Variants in CHAF1A observed in about 807,000 individuals in gnomAD.
CHAF1A encodes the protein CAF-1 subunit A.
Under a neutral mutation model 93.2 loss-of-function variants are expected in CHAF1A, and 5 were observed. The observed-to-expected ratio is 0.05, with a 90% CI of 0.03 to 0.11. CHAF1A has a LOEUF of 0.11. Among genes scored for constraint, CHAF1A ranks in the 10% least tolerant of loss-of-function variants. The pLI is 1.00. For synonymous variants in CHAF1A, 504 were observed against 510.3 expected, an observed-to-expected ratio of 0.99 and a Z score of 0.17; for missense variants, 1,102 against 1,259.9, an observed-to-expected ratio of 0.87 and a Z score of 1.90.
At chr19:4,410,086 C>T (rs1973765239) in intron 3 of CHAF1A, among the ~76,000 whole-genome samples, 1 of 152,114 alleles carries the variant, frequency 6.6e-6, no homozygotes, top group South Asian at 2.1e-4. Context: ...TGCTGTAACC[C>T]CTCACTTCAG....
intron 3 of CHAF1A, among the ~76,000 whole-genome samples, chr19:4,415,265 CA>C (rs1190216422): frequency 6.6e-6 from 1 of 151,736 alleles, no homozygotes; most frequent in Non-Finnish European, 1.5e-5. Context: ...TTTGGCAAAG[CA>C]AAAAAGATAC....
intron 4 of CHAF1A, among the ~76,000 whole-genome samples, chr19:4,419,029 ATTTTTTT>A (rs11406470): frequency 1.5e-4 from 14 of 96,452 alleles, no homozygotes; most frequent in African/African-American, 4.3e-4. Flanking sequence ...TAGCCAGCTA[ATTTTTTT>A]TTTTTTTTTT....
At position 4,422,161 on chromosome 19, in the gene CHAF1A, C is replaced by T. The variant is rs561875531; in HGVS notation, c.1018-405C>T. Among the ~76,000 whole-genome samples the T allele has an allele frequency of 6.6e-6, 1 of 152,314 alleles. No homozygotes were observed. Among genetic ancestry groups the T allele is most frequent in the African/African-American group, 2.4e-5 (1 of 41,564 alleles). ...AGTAGCTGGGATTACAGGCGCCCAC[C>T]ATGCCTGGCTAGTTTTTTTTAAAAA... On this transcript the variant is annotated intron_variant, in intron 4 of 14. Coordinates refer to ENST00000301280, the MANE Select transcript of CHAF1A (RefSeq NM_005483.3). The surrounding 1 kb of genome is among the most constrained non-coding windows in gnomAD (Gnocchi z 4.6).
At chr19:4,416,099 G>A (rs1040677734) in intron 3 of CHAF1A, among the ~76,000 whole-genome samples, 3 of 152,090 alleles carry the variant, frequency 2.0e-5, no homozygotes, top group Admixed American at 6.5e-5. Flanking sequence ...GCTTGAACCC[G>A]GGAGGCGGAG....
At chr19:4,414,164 G>A (rs1043908956) in intron 3 of CHAF1A, among the ~76,000 whole-genome samples, 1 of 152,152 alleles carries the variant, frequency 6.6e-6, no homozygotes, top group South Asian at 2.1e-4. Flanking sequence ...ACTTTGGGAA[G>A]CCGAGGTGGG....
chr19:4,405,226 AT>A (rs1973658104), intron 1 of CHAF1A, among the ~76,000 whole-genome samples: 1 of 152,158 alleles, frequency 6.6e-6, no homozygotes, highest in African/African-American at 2.4e-5. Context: ...TAGAGTTGGC[AT>A]TTTGTTTCCA....
At chr19:4,440,044 C>G (rs1599665546) in intron 13 of CHAF1A, among the ~76,000 whole-genome samples, 1 of 152,328 alleles carries the variant, frequency 6.6e-6, no homozygotes, top group East Asian at 1.9e-4. Context: ...TCTGCCTGGC[C>G]AGGCACTGTG....
chr19:4,422,631 AGAGGAGGCCAAGCGGGCCAAG>A lies in CHAF1A; in HGVS notation c.1096_1116del (p.Arg366_Lys372del). 1 of 1,597,138 alleles carries A rather than the reference AGAGGAGGCCAAGCGGGCCAAG, an allele frequency of 6.3e-7. No individual in the cohort carries two copies. The highest frequency in any genetic ancestry group is 8.5e-7 in the Non-Finnish European group (1 of 1,171,878). Reference sequence around the variant, plus strand: ...AAAGGGAAGAAAAGGAGAAGCTGAAAGAGGAGGCCAAGCGGGCCAAGGAGGAGGCCAAGAAGAAGAAGGAGG... The same window carrying A: ...AAAGGGAAGAAAAGGAGAAGCTGAAAGAGGAGGCCAAGAAGAAGAAGGAGG... On this transcript the variant is annotated inframe_deletion, in exon 5 of 15. Transcript: ENST00000301280. The surrounding 1 kb of genome is among the most constrained non-coding windows in gnomAD (Gnocchi z 4.6).
downstream of CHAF1A, among the ~76,000 whole-genome samples, chr19:4,444,101 G>A (rs1172054924): frequency 2.0e-5 from 3 of 152,192 alleles, no homozygotes; most frequent in Non-Finnish European, 4.4e-5. Context: ...GCTTTACAGG[G>A]GCTCCCGACA....
At chr19:4,426,825 T>C (rs1974091210) in intron 7 of CHAF1A, among the ~76,000 whole-genome samples, 1 of 152,124 alleles carries the variant, frequency 6.6e-6, no homozygotes, top group Non-Finnish European at 1.5e-5. Context: ...GTGCGGTGGC[T>C]TATGCCTGTA....
chr19:4,441,892 C>T lies in CHAF1A; in HGVS notation c.2674-353C>T, dbSNP rs866602667. On this transcript the variant is annotated intron_variant, in intron 13 of 14. Coordinates refer to ENST00000301280, the MANE Select transcript of CHAF1A (RefSeq NM_005483.3). ...CAGCCTGGGCAACAGAGCGAGACTC[C>T]GTCTCAAAAAAAAATAAAAATAAAT... Among the ~76,000 whole-genome samples, 6 of 152,046 alleles carry T rather than the reference C, an allele frequency of 3.9e-5. No homozygotes were observed. In the East Asian group the frequency reaches 5.8e-4, roughly 15 times the overall value.
chr19:4,442,820 C>T lies in CHAF1A; in HGVS notation c.2771-105C>T, dbSNP rs192124121. ...GTCCCCACTGTCAGGTGGAGGGTCCCGCCCTGGGGTTGTTGCAGGCCCCAT... is the reference window on the plus strand; with the variant it reads ...GTCCCCACTGTCAGGTGGAGGGTCCTGCCCTGGGGTTGTTGCAGGCCCCAT... On this transcript the variant is annotated intron_variant, in intron 14 of 14. Coordinates refer to ENST00000301280, the MANE Select transcript of CHAF1A (RefSeq NM_005483.3). 4,529 of 797,048 alleles carry T rather than the reference C, an allele frequency of 5.7e-3. 25 individuals are homozygous for T. Among genetic ancestry groups the T allele is most frequent in the Non-Finnish European group, 7.7e-3 (3,983 of 516,332 alleles). 49.4% of individuals were successfully genotyped at this position (797,048 alleles called of 1,614,324 possible). A position where few individuals can be genotyped will look rare whatever the true frequency, so the allele number is the denominator to read the frequency against.
At chr19:4,446,700 G>A (rs145906971), downstream of CHAF1A, 190 of 1,610,150 alleles carry the variant, frequency 1.2e-4, no homozygotes, top group East Asian at 1.1e-3. Flanking sequence ...CGCTCAGCAC[G>A]TAGAACTCCT....
At chr19:4,446,981 C>A, downstream of CHAF1A, 1 of 1,533,090 alleles carries the variant, frequency 6.5e-7, no homozygotes. Flanking sequence ...TGGCCACACC[C>A]CACCCAGTCC....
rs869255408 is a variant in CHAF1A at position 4,435,087 on chromosome 19, C to CTTTTTT, written c.2673+1566_2673+1571dup. Reference sequence around the variant, plus strand: ...GAGTTTCTCTTTTTTCTTTTTTTTCCTTTTTTTTTTTTTTTTTTTTTTTGA... The same window carrying CTTTTTT: ...GAGTTTCTCTTTTTTCTTTTTTTTCCTTTTTTTTTTTTTTTTTTTTTTTTTTTTTGA... On this transcript the variant is annotated intron_variant, in intron 13 of 14. Transcript: ENST00000301280. Among the ~76,000 whole-genome samples, 25 of 87,964 alleles carry CTTTTTT rather than the reference C, an allele frequency of 2.8e-4. 1 individual carries two copies. The highest frequency in any genetic ancestry group is 6.6e-4 in the African/African-American group (14 of 21,230). 57.7% of individuals were successfully genotyped at this position (87,964 alleles called of 152,430 possible). A position where few individuals can be genotyped will look rare whatever the true frequency, so the allele number is the denominator to read the frequency against.
chr19:4,415,500 G>A (rs1290423977), intron 3 of CHAF1A, among the ~76,000 whole-genome samples: 1 of 152,198 alleles, frequency 6.6e-6, no homozygotes, highest in Admixed American at 6.5e-5. Context: ...TGAACACAAA[G>A]GGCAGCCCCG....
At chr19:4,436,460 C>T (rs777873625) in intron 13 of CHAF1A, among the ~76,000 whole-genome samples, 1 of 152,190 alleles carries the variant, frequency 6.6e-6, no homozygotes, top group Non-Finnish European at 1.5e-5. Context: ...CACAGGAGGC[C>T]CCCACACAGA....
intron 11 of CHAF1A, among the ~76,000 whole-genome samples, chr19:4,431,443 A>C (rs1974181335): frequency 6.6e-6 from 1 of 152,202 alleles, no homozygotes; most frequent in Non-Finnish European, 1.5e-5. Context: ...CTTGCTTTCA[A>C]GCAAGTTGTT....
intron 1 of CHAF1A, 127 bp downstream of exon 1, chr19:4,402,941 C>A: frequency 2.2e-6 from 1 of 449,836 alleles, no homozygotes; most frequent in Non-Finnish European, 3.4e-6. Context: ...GCGTTCACCC[C>A]CTGGGGCCTT....
Sources: allele counts gnomAD v4.1 joint callset (sites outside exome capture counted in the v4.1 genomes callset), GRCh38; gene constraint gnomAD v4.1.1; non-coding constraint Gnocchi (gnomAD v3.1); transcripts MANE v1.5; gene names NCBI Gene and HGNC (gene_info 2026-07-23, HGNC 2026-07-21).